Variants in TENM2 observed in about 807,000 individuals in gnomAD.
TENM2 encodes teneurin-2.
Under a neutral mutation model 245.2 loss-of-function variants are expected in TENM2, and 52 were observed. That is an observed-to-expected ratio of 0.21 (90% CI 0.17 to 0.27). TENM2 has a LOEUF of 0.27. Ranked by LOEUF, TENM2 falls within the 10% of genes least tolerant of loss-of-function variation. The pLI is 1.00. For missense variants in TENM2, 3,046 were observed against 3,666.8 expected (o/e 0.83, Z 4.37); for synonymous variants, 1,363 against 1,438.9 (o/e 0.95, Z 1.19).
At chr5:167,896,907 C>A (rs1295697941) in intron 3 of TENM2, among the ~76,000 whole-genome samples, 1 of 152,156 alleles carries the variant, frequency 6.6e-6, no homozygotes, top group African/African-American at 2.4e-5. Context: ...GTTGCTAAAA[C>A]GTCCAGAAAA....
chr5:167,711,114 T>C (rs1271150794), intron 2 of TENM2, among the ~76,000 whole-genome samples: 1 of 151,962 alleles, frequency 6.6e-6, no homozygotes, highest in African/African-American at 2.4e-5. Context: ...TGGCCAAAGG[T>C]TCAAAACTAA....
the TENM2 span, among the ~76,000 whole-genome samples, chr5:167,105,207 T>C: frequency 1.3e-5 from 2 of 152,208 alleles, no homozygotes; most frequent in Non-Finnish European, 2.9e-5. Flanking sequence ...CTATAATTTT[T>C]GACTTAAGAG....
At chr5:167,845,901 G>T (rs2151180891) in intron 2 of TENM2, among the ~76,000 whole-genome samples, 1 of 152,308 alleles carries the variant, frequency 6.6e-6, no homozygotes, top group South Asian at 2.1e-4. Context: ...AACCTGGACA[G>T]CTGGCCCGAC....
At chr5:167,932,473 G>A (rs1226885472) in intron 3 of TENM2, among the ~76,000 whole-genome samples, 4 of 152,138 alleles carry the variant, frequency 2.6e-5, no homozygotes, top group East Asian at 1.9e-4. Context: ...TAGTAGGGTC[G>A]AATCGTTGTC....
intron 2 of TENM2, among the ~76,000 whole-genome samples, chr5:167,839,492 GC>G (rs1243754810): frequency 6.6e-6 from 1 of 152,008 alleles, no homozygotes. Flanking sequence ...GGTTAGATAG[GC>G]CCTGATGTAT....
intron 2 of TENM2, among the ~76,000 whole-genome samples, chr5:167,427,366 T>C (rs1280903238): frequency 6.6e-6 from 1 of 151,920 alleles, no homozygotes; most frequent in Non-Finnish European, 1.5e-5. Context: ...GGCAGCAGAA[T>C]TGCTTGAACC....
At chr5:167,304,939 A>G (rs1755580486) in intron 1 of TENM2, among the ~76,000 whole-genome samples, 1 of 152,220 alleles carries the variant, frequency 6.6e-6, no homozygotes, top group African/African-American at 2.4e-5. Flanking sequence ...TATCTCCCTT[A>G]GAACCAGCCA....
At chr5:168,064,758 T>C (rs1790348245) in intron 7 of TENM2, among the ~76,000 whole-genome samples, 1 of 152,184 alleles carries the variant, frequency 6.6e-6, no homozygotes, top group Non-Finnish European at 1.5e-5. Context: ...TCAGTCCAGC[T>C]GCCAGTTTGA....
At chr5:167,953,057 C>G (rs1257671025) in intron 4 of TENM2, among the ~76,000 whole-genome samples, 1 of 152,210 alleles carries the variant, frequency 6.6e-6, no homozygotes, top group Non-Finnish European at 1.5e-5. Flanking sequence ...TCTCGGATAG[C>G]TCTTGTGTAC....
the TENM2 span, among the ~76,000 whole-genome samples, chr5:167,160,654 C>CT: frequency 6.6e-6 from 1 of 152,348 alleles, no homozygotes; most frequent in African/African-American, 2.4e-5. Context: ...TCTACTTAGG[C>CT]TTTTTCCTGT....
chr5:167,228,896 G>A, the TENM2 span, among the ~76,000 whole-genome samples: 1 of 151,984 alleles, frequency 6.6e-6, no homozygotes, highest in African/African-American at 2.4e-5. Flanking sequence ...GTAGAGACGG[G>A]GTTTCAACAT....
intron 2 of TENM2, among the ~76,000 whole-genome samples, chr5:167,566,579 T>C (rs1773922470): frequency 6.6e-6 from 1 of 152,198 alleles, no homozygotes; most frequent in African/African-American, 2.4e-5. Flanking sequence ...CTGGTTCCTG[T>C]AAAAATAAAA....
the TENM2 span, among the ~76,000 whole-genome samples, chr5:167,067,902 A>G: frequency 6.6e-6 from 1 of 152,174 alleles, no homozygotes; most frequent in Non-Finnish European, 1.5e-5. Context: ...AGCATTTGTG[A>G]TGAGGCCACT....
chr5:167,601,403 C>T (rs1776625160), intron 2 of TENM2, among the ~76,000 whole-genome samples: 1 of 152,228 alleles, frequency 6.6e-6, no homozygotes, highest in South Asian at 2.1e-4. Flanking sequence ...AGAGGGATTA[C>T]CATATGGGAC....
the TENM2 span, among the ~76,000 whole-genome samples, chr5:167,056,446 T>A: frequency 8.2e-5 from 12 of 145,990 alleles, no homozygotes; most frequent in Non-Finnish European, 1.5e-4. Flanking sequence ...CCTTTGTCTT[T>A]CTATAGTTAA....
chr5:167,441,865 A>G (rs1467845775), intron 2 of TENM2, among the ~76,000 whole-genome samples: 2 of 152,184 alleles, frequency 1.3e-5, no homozygotes, highest in African/African-American at 2.4e-5. Context: ...GCAACTATAG[A>G]GAAGGGTCAC....
intron 1 of TENM2, among the ~76,000 whole-genome samples, chr5:167,312,733 TC>T (rs1377449775): frequency 6.6e-6 from 1 of 152,032 alleles, no homozygotes; most frequent in Non-Finnish European, 1.5e-5. Flanking sequence ...GCTTTTTCTC[TC>T]CACAGTTATC....
chr5:167,518,272 G>C (rs1349600727), intron 2 of TENM2, among the ~76,000 whole-genome samples: 1 of 152,082 alleles, frequency 6.6e-6, no homozygotes, highest in Non-Finnish European at 1.5e-5. Flanking sequence ...CGCCATGACA[G>C]GTGACAATAA....
intron 1 of TENM2, among the ~76,000 whole-genome samples, chr5:167,328,554 A>G (rs1187575701): frequency 1.3e-5 from 2 of 152,142 alleles, no homozygotes; most frequent in Non-Finnish European, 2.9e-5. Context: ...CCGCTTATTA[A>G]ATTTATAAAT....
Sources: gnomAD v4.1 joint callset for allele counts (sites outside exome capture counted in the v4.1 genomes callset) on GRCh38, gnomAD v4.1.1 for gene constraint, MANE v1.5 for transcripts, NCBI Gene and HGNC (gene_info 2026-07-23, HGNC 2026-07-21) for gene names.